RTTN: variants seen among roughly 807,000 people sequenced by gnomAD.
The protein encoded by RTTN is rotatin.
RTTN carries 182 observed loss-of-function variants against 269.2 expected under a neutral mutation model. The observed-to-expected ratio is 0.68, with a 90% CI of 0.60 to 0.76. RTTN has a LOEUF of 0.76. Among genes scored for constraint, RTTN ranks in the 30% least tolerant of loss-of-function variants. RTTN has a pLI of 0.00. For synonymous variants in RTTN, 1,006 were observed against 963.5 expected, an observed-to-expected ratio of 1.04 and a Z score of -0.82; for missense variants, 2,545 against 2,608.6, an observed-to-expected ratio of 0.98 and a Z score of 0.53.
intron 37 of RTTN, 82 bp from the exon 38 acceptor site, chr18:70,054,366 C>A: frequency 7.9e-7 from 1 of 1,264,826 alleles, no homozygotes; most frequent in Non-Finnish European, 1.1e-6. Context: ...ACTTTTGTAA[C>A]ACAATAAAAA....
At chr18:70,024,635 T>C in intron 44 of RTTN, 87 bp downstream of exon 44, 1 of 1,202,858 alleles carries the variant, frequency 8.3e-7, no homozygotes, top group Non-Finnish European at 1.2e-6. Flanking sequence ...CTTCAAAATA[T>C]GTATTAGTTT....
rs775745718 is a variant in RTTN at position 70,145,687 on chromosome 18, GGA to G, written c.2404_2405del (p.Ser802GlnfsTer4). The G allele has an allele frequency of 1.9e-6, 3 of 1,613,092 alleles. No individual in the cohort carries two copies. The Admixed American group carries it at 5.0e-5, about 27-fold the overall frequency. On this transcript the variant is annotated frameshift_variant, in exon 18 of 49. Transcript: ENST00000640769. LOFTEE classifies it high-confidence loss of function. Reference sequence around the variant, plus strand: ...TCCCAATGAATAAATCAGTAACTCTGGAGAGAACTCTGGCGTCTATTAGAGGA... The same window carrying G: ...TCCCAATGAATAAATCAGTAACTCTGGAGAACTCTGGCGTCTATTAGAGGA... ...KRPLIDARVLSRVTDLFIGKK... is the reference protein window; with the variant it reads ...KRPLIDARVLXRVTDLFIGKK...
At chr18:70,052,534 G>A (rs541235485) in intron 38 of RTTN, among the ~76,000 whole-genome samples, 110 of 151,686 alleles carry the variant, frequency 7.3e-4, no homozygotes, top group Admixed American at 1.8e-3. Flanking sequence ...AAGAAGAGCC[G>A]AATAAAACAT....
intron 46 of RTTN, among the ~76,000 whole-genome samples, chr18:70,011,584 T>C (rs1378865299): frequency 6.6e-6 from 1 of 152,186 alleles, no homozygotes; most frequent in Non-Finnish European, 1.5e-5. Context: ...TGATGCAACA[T>C]ATCTCAAAAT....
intron 44 of RTTN, among the ~76,000 whole-genome samples, chr18:70,022,252 A>C (rs1211696138): frequency 3.3e-5 from 5 of 151,640 alleles, no homozygotes; most frequent in African/African-American, 1.2e-4. Context: ...TTCTCTCCTA[A>C]ATGAAGAAAG....
rs774842738 is a variant in RTTN, at chr18:70,197,608, T to A, written c.693+16A>T. ...TCTCTAGTTCAAAATCTAAAACAATTATAGAGGGCACTGACCTGAACAATT... is the reference window on the plus strand; with the variant it reads ...TCTCTAGTTCAAAATCTAAAACAATAATAGAGGGCACTGACCTGAACAATT... On this transcript the variant is annotated intron_variant, in intron 6 of 48. Coordinates refer to ENST00000640769, the MANE Select transcript of RTTN (RefSeq NM_173630.4). The A allele has an allele frequency of 2.7e-6, 4 of 1,507,068 alleles. No homozygotes were observed. The highest frequency in any genetic ancestry group is 3.7e-6 in the Non-Finnish European group (4 of 1,082,960). The allele number at this position is 1,507,068 out of a possible 1,614,324, so 93.4% of individuals were successfully genotyped here. A position where few individuals can be genotyped will look rare whatever the true frequency, so the allele number is the denominator to read the frequency against.
intron 38 of RTTN, among the ~76,000 whole-genome samples, chr18:70,051,858 C>T (rs956332697): frequency 3.9e-5 from 6 of 152,192 alleles, no homozygotes; most frequent in African/African-American, 7.2e-5. Flanking sequence ...GACTGCAGAA[C>T]TACATATTGG....
intron 28 of RTTN, among the ~76,000 whole-genome samples, chr18:70,095,454 A>G (rs1258249308): frequency 6.6e-6 from 1 of 152,026 alleles, no homozygotes; most frequent in African/African-American, 2.4e-5. Flanking sequence ...TCCTTTCCAT[A>G]TTTAGTGCTT....
At chr18:70,088,260 G>C in intron 30 of RTTN, 113 bp from the exon 31 acceptor site, 1 of 965,776 alleles carries the variant, frequency 1.0e-6, no homozygotes, top group Non-Finnish European at 1.5e-6. Context: ...TTGGTTTTAT[G>C]ATCCTAAATT....
chr18:70,203,731 C>G (rs943662157), intron 3 of RTTN, among the ~76,000 whole-genome samples: 1 of 152,186 alleles, frequency 6.6e-6, no homozygotes, highest in Non-Finnish European at 1.5e-5. Flanking sequence ...TCATTATACT[C>G]CAATATGACG....
At chr18:70,086,158 T>G (rs965518130) in intron 32 of RTTN, among the ~76,000 whole-genome samples, 6 of 152,130 alleles carry the variant, frequency 3.9e-5, no homozygotes, top group African/African-American at 1.4e-4. Flanking sequence ...ATCTACAAAT[T>G]TGTTTATTAT....
intron 33 of RTTN, among the ~76,000 whole-genome samples, 159 bp from the exon 34 acceptor site, chr18:70,074,153 A>T (rs76333025): frequency 4.6e-5 from 7 of 152,018 alleles, no homozygotes; most frequent in Admixed American, 4.6e-4. Context: ...AAAAAAAAAA[A>T]ATCTAAGGAG....
chr18:70,199,347 G>A, intron 5 of RTTN, 67 bp downstream of exon 5: 2 of 1,026,632 alleles, frequency 1.9e-6, no homozygotes, highest in East Asian at 2.4e-5. Flanking sequence ...AAAACATATT[G>A]TAATAACTAT....
chr18:70,165,996 AAGGTAT>A (rs1284196488), intron 14 of RTTN, 60 bp downstream of exon 14: 1 of 1,501,364 alleles, frequency 6.7e-7, no homozygotes, highest in East Asian at 2.3e-5. Context: ...ATTAAGTTTG[AAGGTAT>A]AACAAGAGAG....
intron 28 of RTTN, among the ~76,000 whole-genome samples, chr18:70,095,266 G>A (rs543713482): frequency 6.3e-4 from 96 of 152,104 alleles, no homozygotes; most frequent in African/African-American, 1.8e-3. Context: ...TTGCCAGTCT[G>A]TGTCTTTTAA....
At chr18:70,196,697 AC>A (rs755196862) in intron 6 of RTTN, 49 bp from the exon 7 acceptor site, 1 of 1,557,542 alleles carries the variant, frequency 6.4e-7, no homozygotes, top group African/African-American at 1.4e-5. Context: ...AAAGAGCTCA[AC>A]TTCAAAGCAG....
intron 1 of RTTN, 22 bp from the exon 2 acceptor site, chr18:70,205,337 CTATTT>C: frequency 1.2e-6 from 2 of 1,612,304 alleles, no homozygotes; most frequent in Non-Finnish European, 1.7e-6. Flanking sequence ...CGGCACAAAA[CTATTT>C]TATTTCCCGA....
At chr18:70,082,117 C>T (rs898371464) in intron 32 of RTTN, among the ~76,000 whole-genome samples, 1 of 152,002 alleles carries the variant, frequency 6.6e-6, no homozygotes, top group African/African-American at 2.4e-5. Flanking sequence ...AGTCCTGTCA[C>T]AAACATGGAA....
intron 40 of RTTN, among the ~76,000 whole-genome samples, chr18:70,032,257 G>A (rs1190243118): frequency 2.6e-5 from 4 of 152,178 alleles, no homozygotes; most frequent in African/African-American, 9.7e-5. Context: ...TTCTCCCAGA[G>A]CCCGAGCCTA....
Sources: gnomAD v4.1 joint callset for allele counts (sites outside exome capture counted in the v4.1 genomes callset) on GRCh38, gnomAD v4.1.1 for gene constraint, MANE v1.5 for transcripts, NCBI Gene and HGNC (gene_info 2026-07-23, HGNC 2026-07-21) for gene names.